HPSE2: variants seen among roughly 807,000 people sequenced by gnomAD.
HPSE2 encodes inactive heparanase-2.
In HPSE2, 38 loss-of-function variants were observed where a neutral mutation model predicts 60.5. The ratio of observed to expected loss-of-function variants is 0.63; its 90% CI spans 0.48 to 0.82. The LOEUF (loss-of-function observed/expected upper bound fraction) is 0.82. Among genes scored for constraint, HPSE2 ranks in the 40% least tolerant of loss-of-function variants. The probability of loss-of-function intolerance (pLI) is 0.00; values close to 1 mark genes in which losing one functional copy is unlikely to be tolerated. For missense variants in HPSE2, 713 were observed against 740.4 expected, an observed-to-expected ratio of 0.96 and a Z score of 0.43; for synonymous variants, 295 against 293.2, an observed-to-expected ratio of 1.01 and a Z score of -0.06.
At chr10:98,971,729 C>T (rs1263945588) in intron 3 of HPSE2, among the ~76,000 whole-genome samples, 1 of 152,254 alleles carries the variant, frequency 6.6e-6, no homozygotes, top group South Asian at 2.1e-4. Flanking sequence ...CAACTCCCCA[C>T]CACAAATAAA....
chr10:98,779,879 A>G (rs995035893), intron 3 of HPSE2, among the ~76,000 whole-genome samples: 1 of 152,132 alleles, frequency 6.6e-6, no homozygotes, highest in Non-Finnish European at 1.5e-5. Context: ...GTAACTTGGA[A>G]GGTTTTTACT....
At chr10:98,758,617 AAT>A (rs1315289830) in intron 3 of HPSE2, among the ~76,000 whole-genome samples, 1 of 152,218 alleles carries the variant, frequency 6.6e-6, no homozygotes, top group African/African-American at 2.4e-5. Flanking sequence ...GAGAAATGCA[AAT>A]CAAAACCACA....
intron 3 of HPSE2, among the ~76,000 whole-genome samples, chr10:98,939,183 A>G (rs1305199448): frequency 7.0e-6 from 1 of 143,696 alleles, no homozygotes; most frequent in Non-Finnish European, 1.5e-5. Context: ...TCAACTAACG[A>G]GCAAAATAAC....
intron 3 of HPSE2, among the ~76,000 whole-genome samples, chr10:99,125,535 CAAGA>C (rs1279087106): frequency 1.3e-5 from 2 of 152,150 alleles, no homozygotes; most frequent in Non-Finnish European, 2.9e-5. Context: ...ACTTTTGCTC[CAAGA>C]ACCACCATGG....
chr10:98,901,449 A>G (rs1953664175), intron 3 of HPSE2, among the ~76,000 whole-genome samples: 1 of 152,212 alleles, frequency 6.6e-6, no homozygotes, highest in Non-Finnish European at 1.5e-5. Context: ...GAATGCAAAT[A>G]CATTTTCTAC....
At chr10:98,819,351 A>G (rs1431302981) in intron 3 of HPSE2, among the ~76,000 whole-genome samples, 1 of 151,254 alleles carries the variant, frequency 6.6e-6, no homozygotes, top group Non-Finnish European at 1.5e-5. Flanking sequence ...AAATGGTAGG[A>G]GTTTCTAATA....
chr10:98,505,400 G>A (rs898981544), intron 9 of HPSE2, among the ~76,000 whole-genome samples: 1 of 152,120 alleles, frequency 6.6e-6, no homozygotes, highest in Admixed American at 6.5e-5. Flanking sequence ...ACCTAAGAGT[G>A]GAATTGCTGT....
chr10:98,490,161 G>A lies in HPSE2; in HGVS notation c.1356C>T (p.Ile452=), dbSNP rs545620798. The change falls in exon 10 of 12, where the codon ATC becomes ATT. Residue 452 remains isoleucine (I), a synonymous_variant. Transcript: ENST00000370552. The part of the protein sequence containing the change: ...YWLSLLYKRL[I]GPKVLAVHVA... ...CATGCACAGCCAAGACTTTGGGGCC[G>A]ATCAGGCGCTTGTAGAGGAGAGAGA... 1.4e-5 allele frequency: 23 copies of A among 1,614,162 alleles called. No homozygotes were observed. Among genetic ancestry groups the A allele is most frequent in the South Asian group, 6.6e-5 (6 of 91,072 alleles).
intron 4 of HPSE2, among the ~76,000 whole-genome samples, chr10:98,728,297 CTG>C (rs1949141830): frequency 1.3e-5 from 2 of 152,128 alleles, no homozygotes; most frequent in South Asian, 2.1e-4. Flanking sequence ...GGGAATGAAA[CTG>C]TACTGAAGCA....
At chr10:98,870,449 A>G (rs1448431875) in intron 3 of HPSE2, among the ~76,000 whole-genome samples, 3 of 152,244 alleles carry the variant, frequency 2.0e-5, no homozygotes, top group East Asian at 1.9e-4. Context: ...AATGTTGCCT[A>G]TCTTTGGTAG....
At chr10:98,897,639 G>C (rs1953532284) in intron 3 of HPSE2, among the ~76,000 whole-genome samples, 1 of 151,830 alleles carries the variant, frequency 6.6e-6, no homozygotes, top group South Asian at 2.1e-4. Flanking sequence ...GGAAACAATG[G>C]GACATCCATA....
intron 3 of HPSE2, among the ~76,000 whole-genome samples, chr10:99,053,567 T>C (rs1449750240): frequency 6.6e-6 from 1 of 151,958 alleles, no homozygotes; most frequent in Non-Finnish European, 1.5e-5. Context: ...TAAGCAACTA[T>C]AAACTTGAAC....
intron 3 of HPSE2, among the ~76,000 whole-genome samples, chr10:98,925,286 G>A (rs1170223653): frequency 6.6e-6 from 1 of 152,148 alleles, no homozygotes; most frequent in East Asian, 1.9e-4. Flanking sequence ...AAGCCAGAGG[G>A]ACAAACAGTG....
intron 9 of HPSE2, among the ~76,000 whole-genome samples, chr10:98,598,627 A>G (rs1351297629): frequency 6.6e-6 from 1 of 151,972 alleles, no homozygotes; most frequent in Non-Finnish European, 1.5e-5. Context: ...GTCCTGGTCC[A>G]CAGCAACTGA....
At chr10:98,710,144 T>G (rs1948640906) in intron 5 of HPSE2, among the ~76,000 whole-genome samples, 1 of 152,204 alleles carries the variant, frequency 6.6e-6, no homozygotes, top group South Asian at 2.1e-4. Context: ...CATCTTTCAT[T>G]TGGTCCAAAG....
At chr10:98,651,812 A>G (rs1293782951) in intron 6 of HPSE2, among the ~76,000 whole-genome samples, 1 of 149,248 alleles carries the variant, frequency 6.7e-6, no homozygotes, top group Non-Finnish European at 1.5e-5. Flanking sequence ...TCGCTCTGTC[A>G]CCCAGGCTGG....
At chr10:98,624,178 A>G (rs561401710) in intron 7 of HPSE2, among the ~76,000 whole-genome samples, 4 of 142,930 alleles carry the variant, frequency 2.8e-5, no homozygotes, top group South Asian at 4.4e-4. Flanking sequence ...AATAATAAAC[A>G]AGTAAACAAA....
At chr10:99,211,005 T>C (rs980791853) in intron 2 of HPSE2, among the ~76,000 whole-genome samples, 1 of 152,120 alleles carries the variant, frequency 6.6e-6, no homozygotes, top group Non-Finnish European at 1.5e-5. Flanking sequence ...TAATCTTATA[T>C]CTAGAAAACC....
chr10:98,937,399 C>T lies in HPSE2; in HGVS notation c.611-193343G>A, dbSNP rs1482640633. Among the ~76,000 whole-genome samples, 2 of 144,422 alleles carry T rather than the reference C, an allele frequency of 1.4e-5. 1 individual carries two copies. The highest frequency in any genetic ancestry group is 3.0e-5 in the Non-Finnish European group (2 of 67,184). The allele number at this position is 144,422 out of a possible 152,430, so 94.7% of individuals were successfully genotyped here. On this transcript the variant is annotated intron_variant, in intron 3 of 11. Transcript: ENST00000370552. ...CTCCCACCCTAATACTGCGCTTTTCCGACAGGCTTAAAAAACGGCGCACCA... is the reference window on the plus strand; with the variant it reads ...CTCCCACCCTAATACTGCGCTTTTCTGACAGGCTTAAAAAACGGCGCACCA...
Sources: allele counts gnomAD v4.1 joint callset (sites outside exome capture counted in the v4.1 genomes callset), GRCh38; gene constraint gnomAD v4.1.1; transcripts MANE v1.5; gene names NCBI Gene and HGNC (gene_info 2026-07-23, HGNC 2026-07-21).